DDX51: variants seen among roughly 807,000 people sequenced by gnomAD.
DDX51 encodes the protein ATP-dependent RNA helicase DDX51.
A neutral mutation model predicts 74.6 loss-of-function variants in DDX51; 67 were observed. That is an observed-to-expected ratio of 0.90 (90% CI 0.74 to 1.10). The LOEUF (loss-of-function observed/expected upper bound fraction) is 1.10. DDX51 is among the 50% of genes least tolerant of loss of function. DDX51 has a pLI of 0.00. For missense variants in DDX51, 1,056 were observed against 905.2 expected (o/e 1.17, Z -2.14); for synonymous variants, 545 against 402.9 (o/e 1.35, Z -4.22).
chr12:132,140,547 G>T lies in DDX51; in HGVS notation c.1557-8C>A, dbSNP rs779340583. 1 of 1,612,840 alleles carries T rather than the reference G, an allele frequency of 6.2e-7. No homozygotes were observed. The highest frequency in any genetic ancestry group is 1.3e-5 in the African/African-American group (1 of 74,950). ...TGCACCAGCAGGAAGAGCCTAGGCA[G>T]AGAGAAGGCTGCGGCCAAGTGATGC... is the stretch of plus-strand genomic sequence containing the variant. On this transcript the variant is annotated splice_region_variant and splice_polypyrimidine_tract_variant and intron_variant, in intron 10 of 14. Transcript: ENST00000397333.
rs1184156243 is a variant in DDX51, at chr12:132,137,501, T to C, written c.*1771A>G. ...TGCCTCCTGTAACAGTCGCCTTTTG[T>C]GTTCTGCTGGCATTTGTTTGAACAC... On this transcript the variant is annotated 3_prime_UTR_variant, in exon 15 of 15. Coordinates refer to ENST00000397333, the MANE Select transcript of DDX51 (RefSeq NM_175066.4). The C allele has an allele frequency of 6.6e-6, 1 of 152,276 alleles. No individual in the cohort carries two copies. Among genetic ancestry groups the C allele is most frequent in the Non-Finnish European group, 1.5e-5 (1 of 68,056 alleles). 9.4% of individuals were successfully genotyped at this position (152,276 alleles called of 1,614,324 possible).
intron 6 of DDX51, 107 bp downstream of exon 6, chr12:132,141,743 A>AC: frequency 6.8e-7 from 1 of 1,466,408 alleles, no homozygotes; most frequent in Non-Finnish European, 9.4e-7. Flanking sequence ...CTTCACGGGA[A>AC]CAGGTGGTTA....
rs768720905 is a variant in DDX51, at chr12:132,142,742, G to A, written c.656C>T (p.Ser219Leu). The A allele has an allele frequency of 1.1e-5, 17 of 1,612,762 alleles. No homozygotes were observed. Among genetic ancestry groups the A allele is most frequent in the South Asian group, 3.3e-5 (3 of 91,086 alleles). Reference protein sequence around the residue: ...LQKQLRAHGISSYFPVQAAVI... With the variant: ...LQKQLRAHGILSYFPVQAAVI... ...GGCTGGGGCACCTGGAAAGTAGGAC[G>A]AGATGCCGTGTGCCCGCAGCTGCTT... The change falls in exon 3 of 15, where the codon TCG becomes TTG. Residue 219 changes from serine to leucine, a missense_variant. Transcript: ENST00000397333.
rs528719733 is a variant in DDX51 at position 132,139,014 on chromosome 12, G to A, written c.*258C>T. The A allele has an allele frequency of 3.1e-5, 16 of 519,594 alleles. No individual in the cohort carries two copies. Among genetic ancestry groups the A allele is most frequent in the African/African-American group, 1.5e-4 (8 of 52,926 alleles). The allele number at this position is 519,594 out of a possible 1,614,324, so 32.2% of individuals were successfully genotyped here. On this transcript the variant is annotated 3_prime_UTR_variant, in exon 15 of 15. Coordinates refer to ENST00000397333, the MANE Select transcript of DDX51 (RefSeq NM_175066.4). ...CGTCCGTCTGGGAGTACTTTTCACC[G>A]TTTTACTAAGGCTTCATTGCCCGCA... is the stretch of plus-strand genomic sequence containing the variant.
In DDX51 at chr12:132,141,469, A is replaced by C. The variant is rs773585745; in HGVS notation, c.1104+29T>G. 20 of 1,581,710 alleles carry C rather than the reference A, an allele frequency of 1.3e-5. No homozygotes were observed. The African/African-American group carries it at 2.7e-4, about 21-fold the overall frequency. On this transcript the variant is annotated intron_variant, in intron 7 of 14. Coordinates refer to ENST00000397333, the MANE Select transcript of DDX51 (RefSeq NM_175066.4). Reference sequence around the variant, plus strand: ...ACTGGGTGGCGCGGCCCTGAGCTCAAAGCCCAGGCCCCTGGGGCGGGGACC... The same window carrying C: ...ACTGGGTGGCGCGGCCCTGAGCTCACAGCCCAGGCCCCTGGGGCGGGGACC...
At chr12:132,142,931 A>G in intron 2 of DDX51, 53 bp from the exon 3 acceptor site, 1 of 1,606,682 alleles carries the variant, frequency 6.2e-7, no homozygotes, top group Admixed American at 1.7e-5. Context: ...GCTCTCGCGC[A>G]GAAGCCCACG....
In DDX51 at chr12:132,142,138, G is replaced by A; in HGVS notation, c.869C>T (p.Thr290Ile). ...CHIRALVVLP[T>I]KELAQQVSKV... is the part of the protein sequence containing the mutation. ...ACATACCTGCTGGGCCAGCTCCTTG[G>A]TGGGCAGCACAACCAGGGCACGGAT... Residue 290 changes from threonine (T) to isoleucine (I), a missense_variant, in exon 5 of 15, where the codon ACC (threonine) becomes ATC (isoleucine). By Grantham distance (89) the Thr-to-Ile change is moderately conservative (BLOSUM62 -1). Coordinates refer to ENST00000397333, the MANE Select transcript of DDX51 (RefSeq NM_175066.4). The A allele has an allele frequency of 6.5e-7, 1 of 1,545,608 alleles. No individual in the cohort carries two copies.
Position 132,139,258 on chromosome 12 carries a change from C to T in DDX51, c.*14G>A. 1 of 1,607,502 alleles carries T rather than the reference C, an allele frequency of 6.2e-7. No homozygotes were observed. Among genetic ancestry groups the T allele is most frequent in the Non-Finnish European group, 8.5e-7 (1 of 1,178,544 alleles). ...TGGTGAGCGTTCAGTCCCTCCGGCC[C>T]TCTGAGCCCCAGCCTAGGCCGCCCT... On this transcript the variant is annotated 3_prime_UTR_variant, in exon 15 of 15. Coordinates refer to ENST00000397333, the MANE Select transcript of DDX51 (RefSeq NM_175066.4).
chr12:132,142,490 G>A, intron 3 of DDX51, 68 bp from the exon 4 acceptor site: 3 of 1,568,500 alleles, frequency 1.9e-6, no homozygotes, highest in Non-Finnish European at 2.6e-6. Context: ...TTCCCTGCCT[G>A]TGACCTCTGG....
chr12:132,140,906 C>T lies in DDX51; in HGVS notation c.1365G>A (p.Gly455=), dbSNP rs781712457. The change falls in exon 9 of 15, where the codon GGG becomes GGA. Residue 455 remains glycine (G), a synonymous_variant. Transcript: ENST00000397333. ...TATCTTCCAGGCCCCTGTGTGCTAGCCCTGTGGAGAAAAGCCGGGGCTGGT... is the reference window on the plus strand; with the variant it reads ...TATCTTCCAGGCCCCTGTGTGCTAGTCCTGTGGAGAAAAGCCGGGGCTGGT... ...GLHQPRLFST[G]LAHRGLEDTD... is the part of the protein sequence containing the mutation. 1.2e-6 allele frequency: 2 copies of T among 1,613,420 alleles called. No homozygotes were observed. Among genetic ancestry groups the T allele is most frequent in the Admixed American group, 3.3e-5 (2 of 59,988 alleles).
At position 132,142,046 on chromosome 12, in the gene DDX51, G is replaced by A. The variant is rs540285307; in HGVS notation, c.888+73C>T. The A allele has an allele frequency of 1.1e-5, 18 of 1,599,512 alleles. No homozygotes were observed. In the Admixed American group the frequency reaches 1.7e-4, roughly 15 times the overall value. The stretch of plus-strand genomic sequence containing the variant: ...CCCAGATCTAATCTGGGTCCCCCAG[G>A]GGCTGATCGCTGTGCACTCAGCAGG... On this transcript the variant is annotated intron_variant, in intron 5 of 14. Transcript: ENST00000397333.
chr12:132,144,206 C>T lies in DDX51; in HGVS notation c.91G>A (p.Ala31Thr). The stretch of plus-strand genomic sequence containing the variant: ...TGCAGCCGCTCGAGCAGCGCGCGGG[C>T]CCTGCCGTGCGCCCCGGCCTCCGCG... The part of the protein sequence containing the change: ...EGAEAGAHGR[A>T]RALLERLQSR... The change falls in exon 1 of 15, where the codon GCC becomes ACC. Residue 31 changes from alanine to threonine, a missense_variant. Physicochemically the swap from Ala to Thr is moderately conservative, Grantham distance 58. Transcript: ENST00000397333. 1 of 1,193,932 alleles carries T rather than the reference C, an allele frequency of 8.4e-7. No individual in the cohort carries two copies. The highest frequency in any genetic ancestry group is 1.0e-6 in the Non-Finnish European group (1 of 964,222). The allele number at this position is 1,193,932 out of a possible 1,614,324, so 74.0% of individuals were successfully genotyped here.
intron 4 of DDX51, 27 bp from the exon 5 acceptor site, chr12:132,142,217 G>A: frequency 2.0e-5 from 32 of 1,587,758 alleles, no homozygotes; most frequent in Non-Finnish European, 2.7e-5. Context: ...GCCTGCGTCA[G>A]CAAGGCTGTT....
Position 132,136,762 on chromosome 12 carries a change from CA to C in DDX51, c.*2509del, listed in dbSNP as rs1396814689. ...CCCACTGCAACCTCCACCTCCCGGG[CA>C]AGTGATTCTCCTGCCTCAGCCTCTT... On this transcript the variant is annotated 3_prime_UTR_variant, in exon 15 of 15. Transcript: ENST00000397333. 6.6e-6 allele frequency: 1 copy of C among 152,296 alleles called. No individual in the cohort carries two copies. Among genetic ancestry groups the C allele is most frequent in the Non-Finnish European group, 1.5e-5 (1 of 68,142 alleles). 9.4% of individuals were successfully genotyped at this position (152,296 alleles called of 1,614,324 possible).
chr12:132,139,427 G>A (rs779028697), intron 14 of DDX51, 129 bp from the exon 15 acceptor site: 45 of 1,517,364 alleles, frequency 3.0e-5, no homozygotes, highest in East Asian at 1.6e-4. Context: ...CCCTGGCCCC[G>A]CTGACAGCCC....
chr12:132,139,103 T>G lies in DDX51; in HGVS notation c.*169A>C, dbSNP rs1306649115. The G allele has an allele frequency of 1.0e-6, 1 of 986,482 alleles. No individual in the cohort carries two copies. Among genetic ancestry groups the G allele is most frequent in the African/African-American group, 1.6e-5 (1 of 61,958 alleles). The allele number at this position is 986,482 out of a possible 1,614,324, so 61.1% of individuals were successfully genotyped here. On this transcript the variant is annotated 3_prime_UTR_variant, in exon 15 of 15. Transcript: ENST00000397333. ...GAAGTCTCCAGTCGGGGCAGGTGCT[T>G]GAGCTCTGACGCCCGGGCTGCCTGG...
chr12:132,141,736 CACGGGA>C, intron 6 of DDX51, 108 bp downstream of exon 6: 6 of 1,463,290 alleles, frequency 4.1e-6, no homozygotes, highest in Non-Finnish European at 5.6e-6. Flanking sequence ...TCCTCCTCTT[CACGGGA>C]ACAGGTGGTT....
rs1303673055 is a variant in DDX51 at position 132,140,600 on chromosome 12, C to T, written c.1556+20G>A. On this transcript the variant is annotated intron_variant, in intron 10 of 14. Transcript: ENST00000397333. Reference sequence around the variant, plus strand: ...GGACCAGAGGCCACCTCTGCCACCCCCGCCCAGCCGGGGCCTCACCTGTGG... The same window carrying T: ...GGACCAGAGGCCACCTCTGCCACCCTCGCCCAGCCGGGGCCTCACCTGTGG... The T allele has an allele frequency of 6.2e-7, 1 of 1,612,834 alleles. No individual in the cohort carries two copies. Among genetic ancestry groups the T allele is most frequent in the Non-Finnish European group, 8.5e-7 (1 of 1,179,966 alleles).
chr12:132,141,438 C>T lies in DDX51; in HGVS notation c.1105-18G>A. On this transcript the variant is annotated intron_variant, in intron 7 of 14. Transcript: ENST00000397333. The stretch of plus-strand genomic sequence containing the variant: ...TCGATAATCTGCAGGAGACAGGGAG[C>T]CCGGGACTGGGTGGCGCGGCCCTGA... 6.3e-7 allele frequency: 1 copy of T among 1,585,080 alleles called. No individual in the cohort carries two copies. Among genetic ancestry groups the T allele is most frequent in the Non-Finnish European group, 8.5e-7 (1 of 1,169,890 alleles).
Sources: gnomAD v4.1 joint callset for allele counts on GRCh38, gnomAD v4.1.1 for gene constraint, MANE v1.5 for transcripts, NCBI Gene and HGNC (gene_info 2026-07-23, HGNC 2026-07-21) for gene names.